The following SCHIP1 variants were observed in gnomAD, a reference collection of about 807,000 sequenced individuals.
The protein encoded by SCHIP1 is schwannomin interacting protein 1, also known as schwannomin-interacting protein 1.
SCHIP1 carries 8 observed loss-of-function variants against 29.7 expected under a neutral mutation model. That is an observed-to-expected ratio of 0.27 (90% CI 0.16 to 0.49). The LOEUF (loss-of-function observed/expected upper bound fraction) is 0.49, where lower values mean the gene tolerates loss of function less well. SCHIP1 is among the 20% of genes least tolerant of loss of function. SCHIP1 has a pLI of 0.99. For missense variants in SCHIP1, 193 were observed against 294.6 expected (o/e 0.66, Z 2.52); for synonymous variants, 76 against 94.9 (o/e 0.80, Z 1.16).
chr3:159,372,690 G>C, the SCHIP1 span, among the ~76,000 whole-genome samples: 1 of 151,954 alleles, frequency 6.6e-6, no homozygotes, highest in East Asian at 1.9e-4. Flanking sequence ...ATGGGTTTGA[G>C]GGTTTTTCTC....
the SCHIP1 span, among the ~76,000 whole-genome samples, chr3:159,734,777 CT>C: frequency 7.8e-6 from 1 of 128,210 alleles, no homozygotes; most frequent in African/African-American, 2.9e-5. Flanking sequence ...TTTCTCATTT[CT>C]TTTCTTGTCT....
At chr3:159,492,191 C>T in the SCHIP1 span, among the ~76,000 whole-genome samples, 52 of 152,236 alleles carry the variant, frequency 3.4e-4, 1 homozygote, top group South Asian at 8.3e-4. Flanking sequence ...AAAATCAGAG[C>T]GCCTCTCCTC....
chr3:159,365,391 G>A, the SCHIP1 span, among the ~76,000 whole-genome samples: 1 of 152,030 alleles, frequency 6.6e-6, no homozygotes, highest in Non-Finnish European at 1.5e-5. Flanking sequence ...CATATGATGT[G>A]TATCACCGCT....
the SCHIP1 span, among the ~76,000 whole-genome samples, chr3:159,462,687 T>C: frequency 6.6e-6 from 1 of 152,162 alleles, no homozygotes; most frequent in Admixed American, 6.6e-5. Context: ...CTCCATGATC[T>C]GAACTAAAAC....
At chr3:159,788,496 T>C in the SCHIP1 span, among the ~76,000 whole-genome samples, 2 of 152,010 alleles carry the variant, frequency 1.3e-5, no homozygotes, top group African/African-American at 4.8e-5. Flanking sequence ...TGATTTCCTG[T>C]TGGTTCATCT....
chr3:159,459,208 C>A, the SCHIP1 span, among the ~76,000 whole-genome samples: 1 of 152,126 alleles, frequency 6.6e-6, no homozygotes, highest in African/African-American at 2.4e-5. Flanking sequence ...AGTCCTCATG[C>A]TCCGACTGCT....
chr3:159,598,498 T>A, the SCHIP1 span, among the ~76,000 whole-genome samples: 1 of 152,162 alleles, frequency 6.6e-6, no homozygotes, highest in South Asian at 2.1e-4. Flanking sequence ...AGTCATTAAA[T>A]CTTAAAGCTC....
At chr3:159,423,139 G>A in the SCHIP1 span, among the ~76,000 whole-genome samples, 32 of 152,222 alleles carry the variant, frequency 2.1e-4, no homozygotes, top group Admixed American at 2.0e-4. Flanking sequence ...GGCAGAAGAC[G>A]GGTGATTTCT....
the SCHIP1 span, among the ~76,000 whole-genome samples, chr3:159,795,464 T>C: frequency 2.6e-5 from 4 of 152,204 alleles, no homozygotes; most frequent in Non-Finnish European, 4.4e-5. Flanking sequence ...TTCTGTTGGC[T>C]CAATTTCCAG....
At chr3:159,827,695 C>T in the SCHIP1 span, among the ~76,000 whole-genome samples, 1 of 151,824 alleles carries the variant, frequency 6.6e-6, no homozygotes, top group Non-Finnish European at 1.5e-5. Flanking sequence ...GTCCCAGCTA[C>T]TCGGGAGGCT....
the SCHIP1 span, among the ~76,000 whole-genome samples, chr3:159,314,354 A>C: frequency 6.6e-6 from 1 of 152,190 alleles, no homozygotes; most frequent in Admixed American, 6.5e-5. Context: ...TGTTATTGTT[A>C]GTTGTCAGAA....
the SCHIP1 span, among the ~76,000 whole-genome samples, chr3:159,435,994 G>A: frequency 1.3e-5 from 2 of 152,240 alleles, no homozygotes; most frequent in African/African-American, 4.8e-5. Flanking sequence ...TGCATGATAA[G>A]AACCTCCTAA....
chr3:159,576,904 T>C, the SCHIP1 span, among the ~76,000 whole-genome samples: 1 of 152,224 alleles, frequency 6.6e-6, no homozygotes, highest in Non-Finnish European at 1.5e-5. Context: ...TTCCCTTATA[T>C]TCCGGTGATC....
the SCHIP1 span, among the ~76,000 whole-genome samples, chr3:159,441,211 G>A: frequency 7.2e-5 from 11 of 152,114 alleles, no homozygotes; most frequent in African/African-American, 1.9e-4. Context: ...TGTAATATGC[G>A]CTTTTCATTA....
the SCHIP1 span, among the ~76,000 whole-genome samples, chr3:159,286,555 G>C: frequency 6.6e-6 from 1 of 152,090 alleles, no homozygotes; most frequent in African/African-American, 2.4e-5. Flanking sequence ...TGTCTTTATG[G>C]CAGAATGATT....
the SCHIP1 span, among the ~76,000 whole-genome samples, chr3:159,482,942 G>A: frequency 6.6e-6 from 1 of 152,114 alleles, no homozygotes; most frequent in Admixed American, 6.6e-5. Flanking sequence ...TTGGGCCCCA[G>A]GGGTCTGGAC....
At chr3:159,693,826 C>T in the SCHIP1 span, among the ~76,000 whole-genome samples, 12 of 152,110 alleles carry the variant, frequency 7.9e-5, no homozygotes, top group Non-Finnish European at 1.0e-4. Context: ...TTTAAGATTT[C>T]GGTTAATAAG....
chr3:159,337,333 G>T, the SCHIP1 span, among the ~76,000 whole-genome samples: 1 of 152,084 alleles, frequency 6.6e-6, no homozygotes, highest in African/African-American at 2.4e-5. Flanking sequence ...CATAGTGTTG[G>T]AAGTTCTGGC....
At chr3:159,373,994 C>A in the SCHIP1 span, among the ~76,000 whole-genome samples, 1 of 152,212 alleles carries the variant, frequency 6.6e-6, no homozygotes, top group East Asian at 1.9e-4. Flanking sequence ...TGAGAAATCT[C>A]CACACAGTTT....
Sources: allele counts gnomAD v4.1 joint callset (sites outside exome capture counted in the v4.1 genomes callset), GRCh38; gene constraint gnomAD v4.1.1; transcripts MANE v1.5; gene names NCBI Gene and HGNC (gene_info 2026-07-23, HGNC 2026-07-21).